Variants in TMEM94 observed in about 807,000 individuals in gnomAD.
TMEM94 encodes transmembrane protein 94.
TMEM94 carries 81 observed loss-of-function variants against 158.6 expected under a neutral mutation model. That is an observed-to-expected ratio of 0.51 (90% confidence interval 0.43 to 0.61). TMEM94 has a LOEUF of 0.61. TMEM94 is among the 20% of genes least tolerant of loss of function. The pLI is 0.00. For missense variants in TMEM94, 1,435 were observed against 1,762.0 expected (o/e 0.81, Z 3.32); for synonymous variants, 751 against 730.7 (o/e 1.03, Z -0.45).
rs780277995 is a variant in TMEM94, at chr17:75,489,398, A to C, written c.867+30A>C. The C allele has an allele frequency of 6.2e-7, 1 of 1,603,330 alleles. No homozygotes were observed. Among genetic ancestry groups the C allele is most frequent in the Non-Finnish European group, 8.5e-7 (1 of 1,170,300 alleles). On this transcript the variant is annotated intron_variant, in intron 8 of 31. Coordinates refer to ENST00000314256, the MANE Select transcript of TMEM94 (RefSeq NM_014738.6). The surrounding 1 kb of genome is among the most constrained non-coding windows in gnomAD (Gnocchi z 5.0). ...GTGTGGCGGGGCTGTGCGGGGCTGC[A>C]TGGGGCAGAGGAGAGGGCTGGACAC... is the stretch of plus-strand genomic sequence containing the variant.
At position 75,492,871 on chromosome 17, in the gene TMEM94, T is replaced by G; in HGVS notation, c.1913-58T>G. 6.3e-7 allele frequency: 1 copy of G among 1,586,618 alleles called. No homozygotes were observed. Among genetic ancestry groups the G allele is most frequent in the Admixed American group, 1.7e-5 (1 of 58,312 alleles). ...AGTACCAACTCCTCACGGGACTTAATGGACCTGGCAGGGTATTGCCAGGGC... is the reference window on the plus strand; with the variant it reads ...AGTACCAACTCCTCACGGGACTTAAGGGACCTGGCAGGGTATTGCCAGGGC... On this transcript the variant is annotated intron_variant, in intron 15 of 31. Coordinates refer to ENST00000314256, the MANE Select transcript of TMEM94 (RefSeq NM_014738.6). This position sits in a 1 kb window ranked among gnomAD's most constrained non-coding sequence, Gnocchi z 4.4.
At position 75,489,640 on chromosome 17, in the gene TMEM94, A is replaced by G. The variant is rs1451937409; in HGVS notation, c.932A>G (p.Gln311Arg). Residue 311 changes from glutamine (Q) to arginine (R), a missense_variant, in exon 9 of 32, where the codon CAG becomes CGG. Gln to Arg is a conservative substitution (Grantham distance 43). Around this residue, in one of 3 missense-constraint regions of TMEM94, gnomAD observed 1,051 missense variants for 1,254.4 expected, o/e 0.84. Transcript: ENST00000314256. The surrounding 1 kb of genome is among the most constrained non-coding windows in gnomAD (Gnocchi z 5.0). ...IFSAPGVTSW[Q>R]YTLLQLQVNG... is the part of the protein sequence containing the mutation. Reference sequence around the variant, plus strand: ...AGTGCCCCGGGGGTCACTTCCTGGCAGTACACCCTCCTCCAGCTCCAGGCA... The same window carrying G: ...AGTGCCCCGGGGGTCACTTCCTGGCGGTACACCCTCCTCCAGCTCCAGGCA... 2 of 1,613,898 alleles carry G rather than the reference A, an allele frequency of 1.2e-6. No individual in the cohort carries two copies. Among genetic ancestry groups the G allele is most frequent in the South Asian group, 1.1e-5 (1 of 91,074 alleles).
In TMEM94 at chr17:75,486,292, G is replaced by T. The variant is rs143349328; in HGVS notation, c.275G>T (p.Arg92Leu). 5.7e-5 allele frequency: 92 copies of T among 1,614,080 alleles called. 1 individual carries two copies. The African/African-American group carries it at 1.1e-3, about 20-fold the overall frequency. ...CGGCCTCTCTTTCCTCCCACCAGCC[G>T]TGGGGTGGGGCTGGTGAATGCCTCG... ...GCCGGQPAGS[R>L]GVGLVNASAL... The change falls in exon 5 of 32, where the codon CGT becomes CTT. Residue 92 changes from arginine (R) to leucine (L), a missense_variant and splice_region_variant. Transcript: ENST00000314256.
Position 75,489,353 on chromosome 17 carries a change from T to C in TMEM94, c.852T>C (p.Ala284=). The C allele has an allele frequency of 6.2e-7, 1 of 1,614,162 alleles. No individual in the cohort carries two copies. Among genetic ancestry groups the C allele is most frequent in the African/African-American group, 1.3e-5 (1 of 75,048 alleles). The change falls in exon 8 of 32, where the codon GCT becomes GCC. Residue 284 remains alanine, a synonymous_variant. Transcript: ENST00000314256. The surrounding 1 kb of genome is among the most constrained non-coding windows in gnomAD (Gnocchi z 5.0). The stretch of plus-strand genomic sequence containing the variant: ...TGCAGTCGGTGATGCTACACTATGC[T>C]GTGCCCGTGGTCCTGGTGCGTGTGG... ...FTVQSVMLHY[A]VPVVLAGFLI... is the part of the protein sequence containing the mutation.
rs1245773636 is a variant in TMEM94 at position 75,499,571 on chromosome 17, A to G, written c.*237A>G. The G allele has an allele frequency of 3.5e-5, 20 of 574,332 alleles. No homozygotes were observed. Among genetic ancestry groups the G allele is most frequent in the Non-Finnish European group, 3.1e-6 (1 of 322,698 alleles). The allele number at this position is 574,332 out of a possible 1,614,324, so 35.6% of individuals were successfully genotyped here. On this transcript the variant is annotated 3_prime_UTR_variant, in exon 32 of 32. Transcript: ENST00000314256. ...GGCTCTTCCCTGGGCCTCACCAGGGACACTCTTGAATGTATGGCCTCAGGC... is the reference window on the plus strand; with the variant it reads ...GGCTCTTCCCTGGGCCTCACCAGGGGCACTCTTGAATGTATGGCCTCAGGC...
At chr17:75,464,324 CA>C (rs112636101) in intron 1 of TMEM94, among the ~76,000 whole-genome samples, 7 of 149,340 alleles carry the variant, frequency 4.7e-5, no homozygotes, top group Admixed American at 6.7e-5. Flanking sequence ...ACCCTGTCTC[CA>C]AAAAAAAAAT....
intron 6 of TMEM94, 87 bp from the exon 7 acceptor site, chr17:75,488,672 C>G (rs11652993): frequency 0.88 from 1,327,930 of 1,505,784 alleles, 592,239 homozygotes; most frequent in African/African-American, 0.98. Context: ...CTAACCCCAG[C>G]GAATGTCTGT....
chr17:75,472,017 C>A, intron 2 of TMEM94, 88 bp downstream of exon 2: 1 of 1,406,760 alleles, frequency 7.1e-7, no homozygotes, highest in Non-Finnish European at 1.0e-6. Context: ...AGATCCTTAA[C>A]TGGGGGCTTT....
rs1359465172 is a variant in TMEM94, at chr17:75,495,677, T to A, written c.2944+34T>A. ...TGTGGCCATGGGTACTTGGGCAACC[T>A]GGTCCCGTCGGCTGAGCTCTGCCTG... is the stretch of plus-strand genomic sequence containing the variant. On this transcript the variant is annotated intron_variant, in intron 22 of 31. Transcript: ENST00000314256. This position sits in a 1 kb window ranked among gnomAD's most constrained non-coding sequence, Gnocchi z 5.6. 56 of 1,597,504 alleles carry A rather than the reference T, an allele frequency of 3.5e-5. No individual in the cohort carries two copies. Among genetic ancestry groups the A allele is most frequent in the Non-Finnish European group, 4.7e-5 (55 of 1,166,402 alleles).
chr17:75,497,699 G>A (rs2052858160), intron 26 of TMEM94, 82 bp from the exon 27 acceptor site: 2 of 1,156,396 alleles, frequency 1.7e-6, no homozygotes, highest in Non-Finnish European at 2.6e-6. Context: ...TCACGCGCAA[G>A]ACTCCCTAGA....
chr17:75,460,718 C>A (rs1252273736), intron 1 of TMEM94, among the ~76,000 whole-genome samples: 1 of 151,974 alleles, frequency 6.6e-6, no homozygotes, highest in Non-Finnish European at 1.5e-5. Flanking sequence ...TGCCCTGTTG[C>A]CCAGGCTGGT....
Position 75,491,914 on chromosome 17 carries a change from G to T in TMEM94, c.1596+14G>T. On this transcript the variant is annotated intron_variant, in intron 14 of 31. Transcript: ENST00000314256. The surrounding 1 kb of genome is among the most constrained non-coding windows in gnomAD (Gnocchi z 5.1). ...GAGCCCAGCAAGGTGACGGGAGGGG[G>T]TGGCACGGGGCAGCCACACCCTCGG... is the stretch of plus-strand genomic sequence containing the variant. 2 of 1,600,898 alleles carry T rather than the reference G, an allele frequency of 1.2e-6. No individual in the cohort carries two copies. The highest frequency in any genetic ancestry group is 1.7e-6 in the Non-Finnish European group (2 of 1,174,360).
intron 1 of TMEM94, among the ~76,000 whole-genome samples, chr17:75,466,389 G>T (rs2050308013): frequency 6.6e-6 from 1 of 152,134 alleles, no homozygotes; most frequent in Non-Finnish European, 1.5e-5. Context: ...TTCAAATCAG[G>T]TAGTGTAAGT....
chr17:75,458,439 T>C (rs2049958877), intron 1 of TMEM94, among the ~76,000 whole-genome samples: 1 of 152,180 alleles, frequency 6.6e-6, no homozygotes, highest in Non-Finnish European at 1.5e-5. Context: ...GTCAAAGTAA[T>C]GCCTGTAATC....
chr17:75,473,132 G>C (rs974390556), intron 2 of TMEM94, among the ~76,000 whole-genome samples: 1 of 152,150 alleles, frequency 6.6e-6, no homozygotes, highest in Non-Finnish European at 1.5e-5. Flanking sequence ...GGGGGCTGTG[G>C]GTTCACTCCC....
intron 18 of TMEM94, 136 bp from the exon 19 acceptor site, chr17:75,494,490 TC>T: frequency 1.3e-6 from 1 of 761,318 alleles, no homozygotes; most frequent in South Asian, 1.9e-5. Context: ...GTCTGTCGGC[TC>T]CTTCGTGTGT....
chr17:75,459,546 TC>T (rs1221340860), intron 1 of TMEM94, among the ~76,000 whole-genome samples: 1 of 152,210 alleles, frequency 6.6e-6, no homozygotes, highest in African/African-American at 2.4e-5. Flanking sequence ...ATCGTCCTGT[TC>T]CTGCCTGCTG....
Position 75,491,351 on chromosome 17 carries a change from A to G in TMEM94, c.1282A>G (p.Ser428Gly). ...GGGGATCCTGTCATGGCCAAATCCC[A>G]GCCCAGAGACTGTACTGTTCTTCAG... ...KQGILSWPNP[S>G]PETVLFFSGK... Residue 428 changes from serine (S) to glycine (G), a missense_variant, in exon 13 of 32, where the codon AGC becomes GGC. This residue lies in a region of TMEM94 where 1,051 missense variants were observed against 1,254.4 expected (regional missense o/e 0.84). Transcript: ENST00000314256. The surrounding 1 kb of genome is among the most constrained non-coding windows in gnomAD (Gnocchi z 5.1). 1.9e-6 allele frequency: 3 copies of G among 1,614,120 alleles called. No individual in the cohort carries two copies. Among genetic ancestry groups the G allele is most frequent in the South Asian group, 1.1e-5 (1 of 91,090 alleles).
chr17:75,477,856 AAAATTAGCC>A (rs1007016013), intron 2 of TMEM94, among the ~76,000 whole-genome samples: 1 of 151,144 alleles, frequency 6.6e-6, no homozygotes, highest in Non-Finnish European at 1.5e-5. Context: ...TAAAAATACA[AAAATTAGCC>A]AGGCATGGTG....
Sources: allele counts gnomAD v4.1 joint callset (sites outside exome capture counted in the v4.1 genomes callset), GRCh38; gene constraint gnomAD v4.1.1; regional missense constraint gnomAD v4.1.1; non-coding constraint Gnocchi (gnomAD v3.1); transcripts MANE v1.5; gene names NCBI Gene and HGNC (gene_info 2026-07-23, HGNC 2026-07-21).